MARCHF8: variants seen among roughly 807,000 people sequenced by gnomAD.
MARCHF8 encodes the protein E3 ubiquitin-protein ligase MARCHF8.
In MARCHF8, 40 loss-of-function variants were observed where a neutral mutation model predicts 51.6. The ratio of observed to expected loss-of-function variants is 0.77; its 90% CI spans 0.60 to 1.01. The LOEUF (loss-of-function observed/expected upper bound fraction) is 1.01. Ranked by LOEUF, MARCHF8 falls within the 50% of genes least tolerant of loss-of-function variation. The pLI, the probability that MARCHF8 is intolerant of heterozygous loss-of-function variation, is 0.00. For missense variants in MARCHF8, 685 were observed against 708.6 expected (o/e 0.97, Z 0.38); for synonymous variants, 263 against 280.3 (o/e 0.94, Z 0.62).
intron 2 of MARCHF8, among the ~76,000 whole-genome samples, chr10:45,495,057 T>C (rs1412603332): frequency 6.6e-6 from 1 of 151,586 alleles, no homozygotes; most frequent in Non-Finnish European, 1.5e-5. Context: ...AAGGCAGAGG[T>C]TGCAGTGAGC....
Position 45,458,494 on chromosome 10 carries a change from G to A in MARCHF8, c.1467C>T (p.Gly489=). 6.2e-7 allele frequency: 1 copy of A among 1,611,464 alleles called. No individual in the cohort carries two copies. The highest frequency in any genetic ancestry group is 8.5e-7 in the Non-Finnish European group (1 of 1,179,154). ...ACATAAAAAGAAGTCCTCCGGTGAA[G>A]CCGATGGCCACAACCACCAATTTAG... ...FWTKLVVVAI[G]FTGGLLFMYV... Residue 489 remains glycine (G), a synonymous_variant, in exon 8 of 8, where the codon GGC becomes GGT. Transcript: ENST00000453424.
intron 2 of MARCHF8, among the ~76,000 whole-genome samples, chr10:45,510,979 T>A (rs2043488745): frequency 6.6e-6 from 1 of 152,202 alleles, no homozygotes; most frequent in South Asian, 2.1e-4. Context: ...AAATTCACCC[T>A]TAAAGTTATG....
At chr10:45,460,397 G>A (rs546728835) in intron 6 of MARCHF8, among the ~76,000 whole-genome samples, 8 of 152,216 alleles carry the variant, frequency 5.3e-5, no homozygotes, top group South Asian at 2.1e-4. Context: ...GGCTACCATC[G>A]CTCCACTTCC....
intron 2 of MARCHF8, among the ~76,000 whole-genome samples, chr10:45,515,310 C>A (rs191990327): frequency 6.6e-6 from 1 of 152,170 alleles, no homozygotes; most frequent in African/African-American, 2.4e-5. Flanking sequence ...TTCCCATAGC[C>A]GTCCTTTTTT....
intron 3 of MARCHF8, among the ~76,000 whole-genome samples, chr10:45,485,461 C>T (rs1382355700): frequency 6.6e-6 from 1 of 151,966 alleles, no homozygotes; most frequent in Non-Finnish European, 1.5e-5. Flanking sequence ...CTTAAATATC[C>T]CAATATGCTT....
chr10:45,502,136 G>C (rs1036133709), intron 2 of MARCHF8, among the ~76,000 whole-genome samples: 1 of 152,142 alleles, frequency 6.6e-6, no homozygotes, highest in Non-Finnish European at 1.5e-5. Flanking sequence ...TTACCTTGGA[G>C]AAATGAAAAC....
At chr10:45,497,519 C>T (rs1175218837) in intron 2 of MARCHF8, among the ~76,000 whole-genome samples, 1 of 152,008 alleles carries the variant, frequency 6.6e-6, no homozygotes, top group Admixed American at 6.6e-5. Context: ...TAGAGTAGTC[C>T]ACAAAACAAA....
intron 1 of MARCHF8, among the ~76,000 whole-genome samples, chr10:45,545,922 T>C (rs1301245823): frequency 1.3e-5 from 2 of 152,114 alleles, no homozygotes; most frequent in Admixed American, 1.3e-4. Flanking sequence ...GCTATAAAGA[T>C]TGCCCTGCTC....
At chr10:45,463,054 C>G in intron 5 of MARCHF8, 97 bp downstream of exon 5, 1 of 1,423,520 alleles carries the variant, frequency 7.0e-7, no homozygotes, top group South Asian at 1.5e-5. Flanking sequence ...TTACAACTTC[C>G]TATTACTTCA....
At chr10:45,478,733 T>G (rs541179675) in intron 3 of MARCHF8, among the ~76,000 whole-genome samples, 5 of 152,122 alleles carry the variant, frequency 3.3e-5, no homozygotes, top group Non-Finnish European at 5.9e-5. Context: ...CATCAGAGAC[T>G]ATTACGAACT....
chr10:45,461,375 C>T lies in MARCHF8; in HGVS notation c.1125G>A (p.Leu375=). 6.3e-7 allele frequency: 1 copy of T among 1,596,262 alleles called. No homozygotes were observed. The highest frequency in any genetic ancestry group is 8.5e-7 in the Non-Finnish European group (1 of 1,172,408). Reference sequence around the variant, plus strand: ...TTCCTGTGCAGTGGCAGGGGGTGATCAGGGGGCTCTCATCATCTCCTTCAC... The same window carrying T: ...TTCCTGTGCAGTGGCAGGGGGTGATTAGGGGGCTCTCATCATCTCCTTCAC... ...CHCEGDDESP[L]ITPCHCTGSL... is the part of the protein sequence containing the mutation. Residue 375 remains leucine, a synonymous_variant, in exon 6 of 8, where the codon CTG becomes CTA. Transcript: ENST00000453424.
At chr10:45,478,412 A>G (rs1442853354) in intron 3 of MARCHF8, among the ~76,000 whole-genome samples, 2 of 152,224 alleles carry the variant, frequency 1.3e-5, no homozygotes, top group African/African-American at 2.4e-5. Context: ...GGAAGTCCAG[A>G]GCAATAAACA....
chr10:45,498,141 C>T (rs1484617871), intron 2 of MARCHF8, among the ~76,000 whole-genome samples: 3 of 152,128 alleles, frequency 2.0e-5, no homozygotes, highest in African/African-American at 4.8e-5. Flanking sequence ...GCAAAATACA[C>T]ACAATGTAAA....
At chr10:45,484,655 G>A (rs1409050601) in intron 3 of MARCHF8, among the ~76,000 whole-genome samples, 1 of 152,204 alleles carries the variant, frequency 6.6e-6, no homozygotes, top group Non-Finnish European at 1.5e-5. Flanking sequence ...AGACTAAGGG[G>A]AGGGTGTCAA....
chr10:45,578,274 C>T (rs944151292), intron 1 of MARCHF8, among the ~76,000 whole-genome samples: 1 of 152,000 alleles, frequency 6.6e-6, no homozygotes, highest in African/African-American at 2.4e-5. Context: ...TCTTGTTGCA[C>T]CAGAAAGTAA....
At position 45,567,683 on chromosome 10, in the gene MARCHF8, G is replaced by C. The variant is rs2044380425; in HGVS notation, c.-79+26552C>G. Among the ~76,000 whole-genome samples, 4 of 152,212 alleles carry C rather than the reference G, an allele frequency of 2.6e-5. No homozygotes were observed. In the South Asian group the frequency reaches 8.3e-4, roughly 32 times the overall value. On this transcript the variant is annotated intron_variant, in intron 1 of 6. Coordinates refer to the MARCHF8 transcript ENST00000319836. Reference sequence around the variant, plus strand: ...CCAGTACCATGCTGTTTTGGTTACTGTATCTCCATAGTATAATTTGAAGTC... The same window carrying C: ...CCAGTACCATGCTGTTTTGGTTACTCTATCTCCATAGTATAATTTGAAGTC...
Position 45,463,668 on chromosome 10 carries a change from A to C in MARCHF8, c.571T>G (p.Cys191Gly). ...TGATGAAACCTGTTAGTTCTGAGAC[A>C]CGTATCTTGAGGGAGTATTAATTTC... ...EGKLILPQDT[C>G]LRTNRFHHKE... is the part of the protein sequence containing the mutation. The change falls in exon 5 of 8, where the codon TGT (cysteine) becomes GGT (glycine). Residue 191 changes from cysteine to glycine, a missense_variant. By Grantham distance (159) the Cys-to-Gly change is radical (BLOSUM62 -3). Transcript: ENST00000453424. 6.4e-7 allele frequency: 1 copy of C among 1,550,786 alleles called. No individual in the cohort carries two copies. Among genetic ancestry groups the C allele is most frequent in the South Asian group, 1.2e-5 (1 of 84,066 alleles).
intron 2 of MARCHF8, among the ~76,000 whole-genome samples, chr10:45,495,761 G>A (rs1376487068): frequency 1.4e-5 from 2 of 143,306 alleles, no homozygotes; most frequent in Non-Finnish European, 3.1e-5. Flanking sequence ...GGGAGGGGAG[G>A]GGAGGGGATG....
intron 2 of MARCHF8, among the ~76,000 whole-genome samples, chr10:45,495,783 G>A (rs1306882599): frequency 7.7e-6 from 1 of 129,476 alleles, no homozygotes; most frequent in Non-Finnish European, 1.6e-5. Flanking sequence ...TAGGGGAGGG[G>A]AGGGAGACAG....
Sources: gnomAD v4.1 joint callset for allele counts (sites outside exome capture counted in the v4.1 genomes callset) on GRCh38, gnomAD v4.1.1 for gene constraint, MANE v1.5 for transcripts, NCBI Gene and HGNC (gene_info 2026-07-23, HGNC 2026-07-21) for gene names.